The following KATNAL2 variants were observed in gnomAD, a reference collection of about 807,000 sequenced individuals.
The protein encoded by KATNAL2 is katanin catalytic subunit A1 like 2.
Under a neutral mutation model 76.3 loss-of-function variants are expected in KATNAL2, and 52 were observed. That is an observed-to-expected ratio of 0.68 (90% CI 0.55 to 0.86). The LOEUF (loss-of-function observed/expected upper bound fraction) is 0.86. Among genes scored for constraint, KATNAL2 ranks in the 40% least tolerant of loss-of-function variants. The pLI, the probability that KATNAL2 is intolerant of heterozygous loss-of-function variation, is 0.00. For missense variants in KATNAL2, 660 were observed against 668.9 expected, an observed-to-expected ratio of 0.99 and a Z score of 0.15; for synonymous variants, 243 against 244.2, an observed-to-expected ratio of 1.00 and a Z score of 0.05.
At chr18:46,947,818 C>T (rs1373152541) in intron 3 of KATNAL2, among the ~76,000 whole-genome samples, 4 of 152,134 alleles carry the variant, frequency 2.6e-5, no homozygotes, top group Non-Finnish European at 5.9e-5. Flanking sequence ...ATTATGGTTA[C>T]CAGCCTCTGT....
At chr18:47,071,963 T>C (rs1221121672) in intron 13 of KATNAL2, among the ~76,000 whole-genome samples, 4 of 84,876 alleles carry the variant, frequency 4.7e-5, no homozygotes, top group Admixed American at 1.1e-4. Flanking sequence ...CTTTTTTTTT[T>C]TTTTTTTTTT....
intron 15 of KATNAL2, among the ~76,000 whole-genome samples, chr18:47,082,618 T>C (rs2062582100): frequency 6.6e-6 from 1 of 152,236 alleles, no homozygotes; most frequent in Admixed American, 6.5e-5. Flanking sequence ...AGTTCTTCCT[T>C]GCTCCCTTTA....
intron 3 of KATNAL2, chr18:47,034,370 C>T: frequency 9.3e-6 from 15 of 1,614,062 alleles, no homozygotes; most frequent in Non-Finnish European, 1.3e-5. Context: ...TCTGGAGCCT[C>T]CTCCAAGGCA....
At chr18:47,099,648 G>A (rs1208146139) in intron 16 of KATNAL2, among the ~76,000 whole-genome samples, 5 of 152,168 alleles carry the variant, frequency 3.3e-5, no homozygotes, top group Non-Finnish European at 5.9e-5. Flanking sequence ...AGAACCTATG[G>A]TCAAATCCTG....
Position 46,917,716 on chromosome 18 carries a change from C to G in KATNAL2, c.-720C>G. ...CCCCGGCGGAGGCCCCTGCGGACTG[C>G]CTAGAGCTGGGTCGCAACTGAGGCG... is the stretch of plus-strand genomic sequence containing the variant. On this transcript the variant is annotated 5_prime_UTR_variant, in exon 1 of 18. Coordinates refer to ENST00000683218, the MANE Select transcript of KATNAL2 (RefSeq NM_001387690.1). 1 of 297,228 alleles carries G rather than the reference C, an allele frequency of 3.4e-6. No individual in the cohort carries two copies. Among genetic ancestry groups the G allele is most frequent in the South Asian group, 1.3e-4 (1 of 7,708 alleles). 18.4% of individuals were successfully genotyped at this position (297,228 alleles called of 1,614,324 possible).
chr18:46,941,039 A>T (rs2059231539), intron 1 of KATNAL2, among the ~76,000 whole-genome samples: 1 of 152,092 alleles, frequency 6.6e-6, no homozygotes, highest in Non-Finnish European at 1.5e-5. Flanking sequence ...ACAAACAAAC[A>T]AAAAAACTTA....
In KATNAL2 at chr18:47,069,257, A is replaced by G; in HGVS notation, c.863A>G (p.Lys288Arg). 6.2e-7 allele frequency: 1 copy of G among 1,611,640 alleles called. No homozygotes were observed. The highest frequency in any genetic ancestry group is 8.5e-7 in the Non-Finnish European group (1 of 1,178,940). Residue 288 changes from lysine to arginine, a missense_variant, in exon 12 of 18, where the codon AAA (lysine) becomes AGA (arginine). Physicochemically the swap from Lys to Arg is conservative, Grantham distance 26. Transcript: ENST00000683218. ...TTTACAGGAATTCTTTCTCCCTGGA[A>G]AGGACTACTGCTGTACGGCCCTCCA... The part of the protein sequence containing the change: ...QLFTGILSPW[K>R]GLLLYGPPGT...
intron 13 of KATNAL2, among the ~76,000 whole-genome samples, chr18:47,070,990 G>A (rs2061977756): frequency 6.6e-6 from 1 of 152,140 alleles, no homozygotes; most frequent in Middle Eastern, 3.2e-3. Flanking sequence ...AGTTACGGTT[G>A]GCCCTTGAAC....
chr18:46,936,561 G>A (rs189034066), intron 1 of KATNAL2, among the ~76,000 whole-genome samples: 3 of 152,278 alleles, frequency 2.0e-5, no homozygotes, highest in East Asian at 1.9e-4. Context: ...GCAACATAGC[G>A]AGATTCCATC....
At chr18:47,033,973 G>C (rs1205355120) in intron 3 of KATNAL2, 1 of 1,613,456 alleles carries the variant, frequency 6.2e-7, no homozygotes, top group Non-Finnish European at 8.5e-7. Flanking sequence ...CTGGACAGGA[G>C]GCAATTTCTT....
chr18:46,956,397 G>A (rs759524735), intron 3 of KATNAL2, among the ~76,000 whole-genome samples: 9 of 152,098 alleles, frequency 5.9e-5, no homozygotes, highest in Non-Finnish European at 1.2e-4. Context: ...TGATACTACC[G>A]TCTCTTTGTT....
intron 3 of KATNAL2, chr18:47,033,486 G>C: frequency 4.3e-6 from 7 of 1,614,142 alleles, no homozygotes; most frequent in Non-Finnish European, 5.9e-6. Flanking sequence ...TTTCTTCCTT[G>C]AAGTCCTGGA....
chr18:46,956,612 C>T (rs2059755591), intron 3 of KATNAL2, among the ~76,000 whole-genome samples: 1 of 152,160 alleles, frequency 6.6e-6, no homozygotes, highest in Admixed American at 6.6e-5. Context: ...GCTTTCTTCC[C>T]CCCATCCCAG....
intron 1 of KATNAL2, among the ~76,000 whole-genome samples, chr18:46,935,551 G>A (rs2059062530): frequency 6.6e-6 from 1 of 152,116 alleles, no homozygotes; most frequent in Non-Finnish European, 1.5e-5. Context: ...AGCCTCCAGA[G>A]TAGCTCGTAC....
At chr18:47,097,645 G>T (rs2063306950) in intron 15 of KATNAL2, among the ~76,000 whole-genome samples, 1 of 152,200 alleles carries the variant, frequency 6.6e-6, no homozygotes, top group African/African-American at 2.4e-5. Flanking sequence ...AGGTTTAAGA[G>T]ACAGAACCAT....
At chr18:47,031,539 C>T (rs12458820) in intron 3 of KATNAL2, among the ~76,000 whole-genome samples, 3 of 152,184 alleles carry the variant, frequency 2.0e-5, no homozygotes, top group South Asian at 2.1e-4. Context: ...TATAAGTACC[C>T]TTCCACAGTT....
At chr18:47,038,948 A>G (rs2060869966) in intron 3 of KATNAL2, among the ~76,000 whole-genome samples, 1 of 152,238 alleles carries the variant, frequency 6.6e-6, no homozygotes, top group South Asian at 2.1e-4. Context: ...TCACACTGAT[A>G]GAGCAAGGCT....
intron 10 of KATNAL2, 36 bp downstream of exon 10, chr18:47,063,397 G>T: frequency 1.3e-6 from 2 of 1,522,190 alleles, no homozygotes; most frequent in South Asian, 1.1e-5. Flanking sequence ...ATTTATGGAG[G>T]CAGGCTGGGG....
chr18:46,925,226 G>A (rs2058692499), intron 1 of KATNAL2, among the ~76,000 whole-genome samples: 1 of 152,280 alleles, frequency 6.6e-6, no homozygotes, highest in South Asian at 2.1e-4. Context: ...GTTTCTCATA[G>A]ATAGCTCTTA....
Sources: allele counts gnomAD v4.1 joint callset (sites outside exome capture counted in the v4.1 genomes callset), GRCh38; gene constraint gnomAD v4.1.1; transcripts MANE v1.5; gene names NCBI Gene and HGNC (gene_info 2026-07-23, HGNC 2026-07-21).